HMBOX1: variants seen among roughly 807,000 people sequenced by gnomAD.
HMBOX1 encodes homeobox containing 1.
A neutral mutation model predicts 54.5 loss-of-function variants in HMBOX1; 14 were observed. The observed-to-expected ratio is 0.26, with a 90% CI of 0.17 to 0.40. HMBOX1 has a LOEUF of 0.40. Among genes scored for constraint, HMBOX1 ranks in the 10% least tolerant of loss-of-function variants. The pLI is 1.00. For missense variants in HMBOX1, 332 were observed against 514.4 expected (o/e 0.65, Z 3.43); for synonymous variants, 160 against 181.0 (o/e 0.88, Z 0.93).
rs147940540 is a variant in HMBOX1, at chr8:28,939,496, G to C, written c.-57-24315G>C. Among the ~76,000 whole-genome samples, 963 of 151,864 alleles carry C rather than the reference G, an allele frequency of 6.3e-3. 6 individuals carry two copies. The highest frequency in any genetic ancestry group is 0.022 in the African/African-American group (924 of 41,412). On this transcript the variant is annotated intron_variant, in intron 1 of 9. Coordinates refer to ENST00000287701, the MANE Select transcript of HMBOX1 (RefSeq NM_001135726.3). Reference sequence around the variant, plus strand: ...TCACTGAAACCTTGCTTTGTTTTTTGTTTAGTTTAGTTTTTGTTTTTGTTT... The same window carrying C: ...TCACTGAAACCTTGCTTTGTTTTTTCTTTAGTTTAGTTTTTGTTTTTGTTT...
At chr8:28,932,303 G>C (rs972370354) in intron 1 of HMBOX1, among the ~76,000 whole-genome samples, 1 of 152,166 alleles carries the variant, frequency 6.6e-6, no homozygotes, top group Non-Finnish European at 1.5e-5. Context: ...ATGTACAGTA[G>C]GAAGCCAATT....
intron 6 of HMBOX1, among the ~76,000 whole-genome samples, chr8:29,042,381 A>G (rs559602974): frequency 1.2e-3 from 188 of 152,180 alleles, no homozygotes; most frequent in Non-Finnish European, 2.2e-3. Flanking sequence ...AAGCCAAGCA[A>G]TTAACTCATA....
chr8:28,932,740 A>G (rs1290286357), intron 1 of HMBOX1, among the ~76,000 whole-genome samples: 1 of 152,170 alleles, frequency 6.6e-6, no homozygotes, highest in Non-Finnish European at 1.5e-5. Context: ...TTGGGTTGTT[A>G]TTCTGTTGAT....
chr8:29,043,359 C>T (rs1805120484), intron 6 of HMBOX1, among the ~76,000 whole-genome samples: 1 of 152,290 alleles, frequency 6.6e-6, no homozygotes, highest in South Asian at 2.1e-4. Flanking sequence ...GATGGCACTC[C>T]TCAGTGACGC....
chr8:28,973,802 A>ATTTTTTTTT (rs1827845480), intron 3 of HMBOX1, among the ~76,000 whole-genome samples: 1 of 76,530 alleles, frequency 1.3e-5, no homozygotes, highest in African/African-American at 4.5e-5. Flanking sequence ...TACATAATGG[A>ATTTTTTTTT]GTTTTTTTTT....
chr8:28,946,348 C>G (rs1822454319), intron 1 of HMBOX1, among the ~76,000 whole-genome samples: 1 of 151,800 alleles, frequency 6.6e-6, no homozygotes, highest in South Asian at 2.1e-4. Flanking sequence ...GTGGGCGGAT[C>G]ACTTGAGGTC....
intron 1 of HMBOX1, among the ~76,000 whole-genome samples, chr8:28,926,770 T>G (rs1006513646): frequency 1.3e-5 from 2 of 152,176 alleles, no homozygotes; most frequent in Non-Finnish European, 2.9e-5. Context: ...GGGTCACTCT[T>G]CTGGCCTCAA....
At chr8:28,954,716 T>C (rs1586060261) in intron 1 of HMBOX1, among the ~76,000 whole-genome samples, 1 of 152,226 alleles carries the variant, frequency 6.6e-6, no homozygotes. Context: ...ACAATTATAC[T>C]GCTAGTGTTT....
At chr8:28,956,955 A>C (rs1055278009) in intron 1 of HMBOX1, among the ~76,000 whole-genome samples, 13 of 152,228 alleles carry the variant, frequency 8.5e-5, no homozygotes, top group African/African-American at 2.9e-4. Context: ...ATCTCACACC[A>C]GTCAGAATGG....
intron 1 of HMBOX1, among the ~76,000 whole-genome samples, chr8:28,920,594 G>A (rs1817379641): frequency 6.6e-6 from 1 of 152,092 alleles, no homozygotes. Context: ...AAATTAATGG[G>A]CATTTATTGA....
chr8:28,967,046 C>T (rs1158651010), intron 2 of HMBOX1, among the ~76,000 whole-genome samples: 3 of 152,206 alleles, frequency 2.0e-5, no homozygotes, highest in Admixed American at 2.0e-4. Flanking sequence ...ATGTCTGCTT[C>T]TTCCTCCCAT....
At chr8:28,919,860 C>A (rs1227500519) in intron 1 of HMBOX1, among the ~76,000 whole-genome samples, 1 of 152,016 alleles carries the variant, frequency 6.6e-6, no homozygotes, top group African/African-American at 2.4e-5. Context: ...ATTTTAAATT[C>A]TTTTGTAAAA....
intron 1 of HMBOX1, among the ~76,000 whole-genome samples, chr8:28,893,168 A>G (rs577053000): frequency 2.0e-5 from 3 of 152,332 alleles, no homozygotes; most frequent in South Asian, 2.1e-4. Flanking sequence ...CAAAATCATT[A>G]CATGTAAACC....
rs546969976 is a variant in HMBOX1, at chr8:28,936,418, G to A, written c.-57-27393G>A. Among the ~76,000 whole-genome samples, 52 of 151,854 alleles carry A rather than the reference G, an allele frequency of 3.4e-4. No individual in the cohort carries two copies. The Middle Eastern group carries it at 0.01, about 30-fold the overall frequency. On this transcript the variant is annotated intron_variant, in intron 1 of 9. Transcript: ENST00000287701. ...ATATAACATTATAAATATATACTAT[G>A]TATTATACATTTAAACTATAATAAT...
intron 5 of HMBOX1, chr8:29,010,027 G>A (rs1834024101): frequency 1.0e-6 from 1 of 984,726 alleles, no homozygotes; most frequent in South Asian, 4.7e-5. Flanking sequence ...TAGAAATAAA[G>A]AATGTCATAG....
chr8:28,962,496 G>T lies in HMBOX1; in HGVS notation c.-57-1315G>T, dbSNP rs74829297. On this transcript the variant is annotated intron_variant, in intron 1 of 9. Transcript: ENST00000287701. ...ATGCTACATGTAAACGTGCTGCATG[G>T]TTCTCATGATTACAGAATAAAGGTC... Among the ~76,000 whole-genome samples the T allele has an allele frequency of 7.8e-3, 1,018 of 130,292 alleles. 13 individuals carry two copies. Among genetic ancestry groups the T allele is most frequent in the East Asian group, 0.062 (283 of 4,572 alleles). The allele number at this position is 130,292 out of a possible 152,430, so 85.5% of individuals were successfully genotyped here. A position where few individuals can be genotyped will look rare whatever the true frequency, so the allele number is the denominator to read the frequency against.
chr8:28,938,784 G>C (rs1244824984), intron 1 of HMBOX1, among the ~76,000 whole-genome samples: 2 of 83,712 alleles, frequency 2.4e-5, no homozygotes, highest in Non-Finnish European at 5.2e-5. Flanking sequence ...TTCTTTATCT[G>C]GAGTAGTCTT....
intron 4 of HMBOX1, among the ~76,000 whole-genome samples, chr8:28,998,203 A>G (rs1307859333): frequency 3.3e-5 from 5 of 152,146 alleles, no homozygotes; most frequent in African/African-American, 1.2e-4. Flanking sequence ...TTGTTCATAT[A>G]ATCGTTGTTG....
At chr8:28,988,300 A>G (rs979956219) in intron 4 of HMBOX1, among the ~76,000 whole-genome samples, 1 of 152,240 alleles carries the variant, frequency 6.6e-6, no homozygotes, top group Admixed American at 6.5e-5. Context: ...CATTGAATGG[A>G]TATAACAAAA....
Sources: gnomAD v4.1 joint callset for allele counts (sites outside exome capture counted in the v4.1 genomes callset) on GRCh38, gnomAD v4.1.1 for gene constraint, MANE v1.5 for transcripts, NCBI Gene and HGNC (gene_info 2026-07-23, HGNC 2026-07-21) for gene names.